EGFLAM: variants seen among roughly 807,000 people sequenced by gnomAD.
EGFLAM encodes the protein EGF like, fibronectin type III and laminin G domains, also known as pikachurin.
EGFLAM carries 79 observed loss-of-function variants against 113.1 expected under a neutral mutation model. The observed-to-expected ratio is 0.70, with a 90% CI of 0.58 to 0.84. The LOEUF (loss-of-function observed/expected upper bound fraction) is 0.84, where lower values mean the gene tolerates loss of function less well. Among genes scored for constraint, EGFLAM ranks in the 40% least tolerant of loss-of-function variants. The pLI is 0.00. For missense variants in EGFLAM, 1,265 were observed against 1,291.6 expected, an observed-to-expected ratio of 0.98 and a Z score of 0.32; for synonymous variants, 504 against 487.6, an observed-to-expected ratio of 1.03 and a Z score of -0.44.
intron 6 of EGFLAM, among the ~76,000 whole-genome samples, chr5:38,393,415 G>T (rs1190952431): frequency 1.3e-5 from 2 of 152,136 alleles, no homozygotes; most frequent in African/African-American, 4.8e-5. Context: ...CCCTTTCATG[G>T]TAGGGAACTG....
At chr5:38,461,013 T>G (rs1419910167) in intron 20 of EGFLAM, 6 of 152,254 alleles carry the variant, frequency 3.9e-5, no homozygotes, top group African/African-American at 1.4e-4. Flanking sequence ...TTAGGTTTTA[T>G]AATCTTCATT....
chr5:38,354,635 C>T (rs889379318), intron 5 of EGFLAM, among the ~76,000 whole-genome samples: 7 of 151,938 alleles, frequency 4.6e-5, no homozygotes, highest in African/African-American at 2.4e-5. Context: ...GAGGCTGAGG[C>T]GTGAGAATTG....
chr5:38,369,763 C>T (rs1037961471), intron 5 of EGFLAM, among the ~76,000 whole-genome samples: 1 of 152,188 alleles, frequency 6.6e-6, no homozygotes, highest in Non-Finnish European at 1.5e-5. Flanking sequence ...CTCCAAAGGA[C>T]ATGTAAAAAT....
rs139709044 is a variant in EGFLAM, at chr5:38,288,900, GAAGC to G, written c.97+30054_97+30057del. Reference sequence around the variant, plus strand: ...AGGGAAAGCACTGTGTTATAAGGTAGAAGCAAGCCCCAAGTAGAAGCTACCCCAC... The same window carrying G: ...AGGGAAAGCACTGTGTTATAAGGTAGAAGCCCCAAGTAGAAGCTACCCCAC... On this transcript the variant is annotated intron_variant, in intron 1 of 21. Coordinates refer to ENST00000322350, the MANE Select transcript of EGFLAM (RefSeq NM_152403.4). 9.0e-3 allele frequency among the ~76,000 whole-genome samples: 1,367 copies of G among 152,168 alleles called. 23 individuals carry two copies. The highest frequency in any genetic ancestry group is 0.031 in the African/African-American group (1,305 of 41,500).
intron 3 of EGFLAM, 70 bp downstream of exon 3, chr5:38,338,851 T>C (rs1739262133): frequency 1.6e-6 from 2 of 1,266,982 alleles, no homozygotes; most frequent in Non-Finnish European, 2.3e-6. Context: ...GCTGATTTGG[T>C]GTGTGTGCTA....
chr5:38,405,079 C>A (rs1420601459), intron 6 of EGFLAM, among the ~76,000 whole-genome samples: 2 of 152,074 alleles, frequency 1.3e-5, no homozygotes, highest in African/African-American at 2.4e-5. Context: ...CCCCAAGATA[C>A]CTTATAGGGC....
intron 6 of EGFLAM, among the ~76,000 whole-genome samples, chr5:38,397,422 A>G (rs1740990411): frequency 6.6e-6 from 1 of 152,200 alleles, no homozygotes; most frequent in African/African-American, 2.4e-5. Flanking sequence ...TCACTCACAC[A>G]GCAAGTACTC....
chr5:38,447,692 G>A (rs1742758364), intron 17 of EGFLAM, among the ~76,000 whole-genome samples: 1 of 150,484 alleles, frequency 6.6e-6, no homozygotes, highest in African/African-American at 2.5e-5. Flanking sequence ...GGAGGTGGAA[G>A]TTGCAGTGAG....
intron 1 of EGFLAM, among the ~76,000 whole-genome samples, chr5:38,314,117 T>A (rs1738527925): frequency 1.3e-5 from 2 of 152,238 alleles, no homozygotes; most frequent in African/African-American, 4.8e-5. Flanking sequence ...TACCAATATA[T>A]ACTTTTCTAA....
chr5:38,327,458 A>G (rs1406815034), intron 1 of EGFLAM, among the ~76,000 whole-genome samples: 1 of 152,180 alleles, frequency 6.6e-6, no homozygotes, highest in African/African-American at 2.4e-5. Context: ...CTGCCACCCT[A>G]ATGTATCAAT....
At chr5:38,431,715 T>A (rs1449518434) in intron 15 of EGFLAM, among the ~76,000 whole-genome samples, 2 of 152,200 alleles carry the variant, frequency 1.3e-5, no homozygotes, top group Admixed American at 1.3e-4. Context: ...CTCAATTACT[T>A]ACCAGTGGTG....
intron 1 of EGFLAM, among the ~76,000 whole-genome samples, chr5:38,281,622 A>G (rs558854280): frequency 1.3e-5 from 2 of 152,294 alleles, no homozygotes; most frequent in Admixed American, 6.5e-5. Flanking sequence ...CTTTTGTGGA[A>G]GTGGCACGGG....
intron 6 of EGFLAM, among the ~76,000 whole-genome samples, chr5:38,382,031 C>A (rs139079872): frequency 6.6e-6 from 1 of 152,204 alleles, no homozygotes; most frequent in Non-Finnish European, 1.5e-5. Context: ...GAAACCATTG[C>A]AGTAATTGCA....
intron 3 of EGFLAM, among the ~76,000 whole-genome samples, chr5:38,343,166 G>A (rs55771956): frequency 0.15 from 22,684 of 152,080 alleles, 1,970 homozygotes; most frequent in African/African-American, 0.24. Flanking sequence ...CACTTTGGGA[G>A]GCTGAGGCGG....
intron 17 of EGFLAM, among the ~76,000 whole-genome samples, chr5:38,439,197 T>C (rs1253896356): frequency 6.6e-6 from 1 of 152,112 alleles, no homozygotes; most frequent in East Asian, 1.9e-4. Context: ...GCTACTCAGT[T>C]TCCATCTTAC....
At chr5:38,382,196 T>G (rs899158495) in intron 6 of EGFLAM, among the ~76,000 whole-genome samples, 14 of 152,238 alleles carry the variant, frequency 9.2e-5, no homozygotes, top group Non-Finnish European at 1.6e-4. Context: ...TAGCCACTAT[T>G]AATATTTTGG....
chr5:38,395,778 G>A (rs2112098134), intron 6 of EGFLAM, among the ~76,000 whole-genome samples: 1 of 152,196 alleles, frequency 6.6e-6, no homozygotes, highest in South Asian at 2.1e-4. Context: ...CCCTGATGTA[G>A]CTCCTGATTT....
chr5:38,459,792 C>CT (rs869249383), intron 20 of EGFLAM, among the ~76,000 whole-genome samples: 1 of 112 alleles, frequency 8.9e-3, no homozygotes, highest in Non-Finnish European at 0.019. Flanking sequence ...GGGCCCCCAA[C>CT]CCTGGCTGTT....
chr5:38,307,615 C>T (rs191376270), intron 1 of EGFLAM, among the ~76,000 whole-genome samples: 1 of 152,364 alleles, frequency 6.6e-6, no homozygotes, highest in Non-Finnish European at 1.5e-5. Flanking sequence ...TGAGAATGGA[C>T]TAATCCATAC....
Sources: gnomAD v4.1 joint callset for allele counts (sites outside exome capture counted in the v4.1 genomes callset) on GRCh38, gnomAD v4.1.1 for gene constraint, MANE v1.5 for transcripts, NCBI Gene and HGNC (gene_info 2026-07-23, HGNC 2026-07-21) for gene names.